SCAP: variants seen among roughly 807,000 people sequenced by gnomAD.
SCAP encodes the protein sterol regulatory element-binding protein cleavage-activating protein.
A neutral mutation model predicts 123.6 loss-of-function variants in SCAP; 65 were observed. The ratio of observed to expected loss-of-function variants is 0.53; its 90% CI spans 0.43 to 0.65. The LOEUF (loss-of-function observed/expected upper bound fraction) is 0.65. Among genes scored for constraint, SCAP ranks in the 30% least tolerant of loss-of-function variants. The pLI, the probability that SCAP is intolerant of heterozygous loss-of-function variation, is 0.00. For synonymous variants in SCAP, 740 were observed against 726.3 expected (o/e 1.02, Z -0.30); for missense variants, 1,398 against 1,712.5 (o/e 0.82, Z 3.24).
rs1384851474 is a variant in SCAP, at chr3:47,472,440, C to CA, written c.-99+3358dup. On this transcript the variant is annotated intron_variant, in intron 1 of 22. Transcript: ENST00000265565. ...TGGGCGACAGAGCGAGACTCCGTCT[C>CA]AAAAAAAAAAAATAAAATAAAATAA... 2.6e-3 allele frequency among the ~76,000 whole-genome samples: 228 copies of CA among 87,962 alleles called. 1 individual carries two copies. The highest frequency in any genetic ancestry group is 2.8e-3 in the East Asian group (9 of 3,172). 57.7% of individuals were successfully genotyped at this position (87,962 alleles called of 152,430 possible).
rs374090479 is a variant in SCAP, at chr3:47,417,315, C to T, written c.2959G>A (p.Gly987Ser). Residue 987 changes from glycine to serine, a missense_variant, in exon 17 of 23, where the codon GGC (glycine) becomes AGC (serine). By Grantham distance (56) the Gly-to-Ser change is moderately conservative. Coordinates refer to ENST00000265565, the MANE Select transcript of SCAP (RefSeq NM_012235.4). ...GNLIVVGRSSGRLEVWDAIEG... is the reference protein window; with the variant it reads ...GNLIVVGRSSSRLEVWDAIEG... ...GCCCCTCTGCCCACCTCCAGCCGGC[C>T]GCTGCTCCGCCCCACCACGATGAGG... The T allele has an allele frequency of 1.8e-5, 29 of 1,612,068 alleles. No homozygotes were observed. The highest frequency in any genetic ancestry group is 6.7e-5 in the Admixed American group (4 of 59,938).
chr3:47,452,940 A>T (rs28671733), intron 1 of SCAP, among the ~76,000 whole-genome samples: 1 of 132,362 alleles, frequency 7.6e-6, no homozygotes, highest in East Asian at 2.3e-4. Flanking sequence ...AAAAAAAAAA[A>T]TTTAAATTAG....
At chr3:47,454,506 C>T (rs754489042) in intron 1 of SCAP, among the ~76,000 whole-genome samples, 20 of 151,914 alleles carry the variant, frequency 1.3e-4, no homozygotes, top group African/African-American at 3.6e-4. Flanking sequence ...GCTGGTGGAT[C>T]GTTTGAGGTC....
chr3:47,443,649 C>G (rs1706912105), intron 1 of SCAP, among the ~76,000 whole-genome samples: 1 of 152,192 alleles, frequency 6.6e-6, no homozygotes, highest in South Asian at 2.1e-4. Context: ...ACATAATGGT[C>G]ACCAAGCAAA....
chr3:47,422,114 A>G (rs113336860), intron 10 of SCAP, among the ~76,000 whole-genome samples: 177 of 152,402 alleles, frequency 1.2e-3, no homozygotes, highest in African/African-American at 4.1e-3. Context: ...GCCAGTCCCC[A>G]GCTCCTGCCA....
intron 2 of SCAP, among the ~76,000 whole-genome samples, chr3:47,442,026 T>C (rs1706828311): frequency 6.6e-6 from 1 of 152,050 alleles, no homozygotes; most frequent in Non-Finnish European, 1.5e-5. Context: ...TTCTTACTGA[T>C]AATCAGGGAA....
intron 2 of SCAP, among the ~76,000 whole-genome samples, chr3:47,435,525 T>G (rs1404078124): frequency 2.2e-5 from 3 of 135,622 alleles, no homozygotes; most frequent in Admixed American, 1.5e-4. Flanking sequence ...CACAGATAGA[T>G]AGGCGCCTGC....
intron 3 of SCAP, among the ~76,000 whole-genome samples, chr3:47,431,760 C>A (rs946679243): frequency 4.6e-5 from 7 of 152,294 alleles, no homozygotes; most frequent in Non-Finnish European, 1.0e-4. Context: ...ACCCCAATCA[C>A]TTACTGTAGG....
chr3:47,473,095 A>AAAAAAAAAAAAAAAAAC (rs1559576259), intron 1 of SCAP, among the ~76,000 whole-genome samples: 1 of 146,290 alleles, frequency 6.8e-6, no homozygotes, highest in African/African-American at 2.5e-5. Flanking sequence ...AAAAAAAAAA[A>AAAAAAAAAAAAAAAAAC]AAAACAGACT....
At chr3:47,432,210 G>A (rs544493530) in intron 3 of SCAP, among the ~76,000 whole-genome samples, 43 of 151,518 alleles carry the variant, frequency 2.8e-4, no homozygotes, top group African/African-American at 8.7e-4. Flanking sequence ...CCAGCTACTC[G>A]GGAGGCTGAG....
intron 1 of SCAP, among the ~76,000 whole-genome samples, chr3:47,455,083 ATATATATATAT>A (rs1559563613): frequency 6.8e-5 from 10 of 146,628 alleles, no homozygotes; most frequent in African/African-American, 1.5e-4. Context: ...ATATATATAT[ATATATATATAT>A]AATCAACTGA....
chr3:47,418,087 G>T, intron 16 of SCAP, 47 bp downstream of exon 16: 1 of 1,406,598 alleles, frequency 7.1e-7, no homozygotes. Flanking sequence ...GGGGTGGGGT[G>T]AGGGGGGTTG....
chr3:47,461,494 A>AT (rs1707638966), intron 1 of SCAP, among the ~76,000 whole-genome samples: 1 of 152,192 alleles, frequency 6.6e-6, no homozygotes. Flanking sequence ...CCTTCCAGAC[A>AT]TTTATAGAGA....
intron 1 of SCAP, among the ~76,000 whole-genome samples, chr3:47,446,171 C>A (rs1017142465): frequency 6.7e-6 from 1 of 149,932 alleles, no homozygotes; most frequent in African/African-American, 2.5e-5. Context: ...CTGCACCTGG[C>A]CAACCTTTTT....
chr3:47,441,099 A>G (rs1393444622), intron 2 of SCAP, among the ~76,000 whole-genome samples: 1 of 151,916 alleles, frequency 6.6e-6, no homozygotes, highest in Non-Finnish European at 1.5e-5. Context: ...ACGAGGTTTC[A>G]CCATGTTGGC....
intron 1 of SCAP, among the ~76,000 whole-genome samples, chr3:47,457,956 C>T (rs1271096455): frequency 2.0e-5 from 3 of 151,864 alleles, no homozygotes; most frequent in Non-Finnish European, 4.4e-5. Context: ...CAAAATTAGC[C>T]AGTAACCTGG....
intron 10 of SCAP, chr3:47,421,232 C>A: frequency 1.7e-6 from 1 of 603,714 alleles, no homozygotes; most frequent in Non-Finnish European, 3.0e-6. Context: ...AGAAGAAACC[C>A]TCACACTTTC....
Position 47,435,043 on chromosome 3 carries a change from G to T in SCAP, c.217C>A (p.Arg73Ser), listed in dbSNP as rs147885193. Reference sequence around the variant, plus strand: ...TGCTCAGTAGGCTCTCCTTGTTTGCGGTCAGAGTCCACAGGTGGGGGCGAG... The same window carrying T: ...TGCTCAGTAGGCTCTCCTTGTTTGCTGTCAGAGTCCACAGGTGGGGGCGAG... Reference protein sequence around the residue: ...DYSPPPVDSDRKQGEPTEQPE... With the variant: ...DYSPPPVDSDSKQGEPTEQPE... The change falls in exon 3 of 23, where the codon CGC becomes AGC. Residue 73 changes from arginine to serine, a missense_variant. Physicochemically the swap from Arg to Ser is moderately radical, Grantham distance 110. This residue lies in a region of SCAP where 319 missense variants were observed against 432.4 expected (regional missense o/e 0.74). Transcript: ENST00000265565. 2.8e-5 allele frequency: 46 copies of T among 1,614,106 alleles called. No individual in the cohort carries two copies. The highest frequency in any genetic ancestry group is 3.6e-5 in the Non-Finnish European group (42 of 1,180,004).
Position 47,413,880 on chromosome 3 carries a change from G to A in SCAP, c.3814C>T (p.Pro1272Ser). ...CAGTCCAGCTTCTCCAGCACAGAGG[G>A]CACATACACCAGGCTGAGCTCACTG... ...FGSELSLVYV[P>S]SVLEKLD The change falls in exon 23 of 23, where the codon CCC (proline) becomes TCC (serine). Residue 1272 changes from proline (P) to serine (S), a missense_variant. By Grantham distance (74) the Pro-to-Ser change is moderately conservative. This residue lies in a region of SCAP where 130 missense variants were observed against 166.7 expected (regional missense o/e 0.78). Coordinates refer to ENST00000265565, the MANE Select transcript of SCAP (RefSeq NM_012235.4). The A allele has an allele frequency of 6.2e-7, 1 of 1,613,028 alleles. No homozygotes were observed. Among genetic ancestry groups the A allele is most frequent in the Non-Finnish European group, 8.5e-7 (1 of 1,180,022 alleles).
Sources: allele counts gnomAD v4.1 joint callset (sites outside exome capture counted in the v4.1 genomes callset), GRCh38; gene constraint gnomAD v4.1.1; regional missense constraint gnomAD v4.1.1; transcripts MANE v1.5; gene names NCBI Gene and HGNC (gene_info 2026-07-23, HGNC 2026-07-21).